Variants in BEND2 observed in about 807,000 individuals in gnomAD.
The protein encoded by BEND2 is BEN domain containing 2.
In BEND2, 19 loss-of-function variants were observed where a neutral mutation model predicts 43.8. The observed-to-expected ratio is 0.43, with a 90% CI of 0.30 to 0.64. The LOEUF (loss-of-function observed/expected upper bound fraction) is 0.64. BEND2 is among the 30% of genes least tolerant of loss of function. BEND2 has a pLI of 0.11. For missense variants in BEND2, 544 were observed against 574.0 expected (o/e 0.95, Z 0.53); for synonymous variants, 226 against 210.1 (o/e 1.08, Z -0.66).
rs753617962 is a variant in BEND2, at chrX:18,214,630, C to A, written c.239-719G>T. Among the ~76,000 whole-genome samples, 51 of 108,219 alleles carry A rather than the reference C, an allele frequency of 4.7e-4. No individual in the cohort carries two copies. In the East Asian group the frequency reaches 9.6e-3, roughly 20 times the overall value. The allele number at this position is 108,219 out of a possible 115,157, so 94.0% of individuals were successfully genotyped here. ...CTTGAGGCCAGGAGTTCAAGACCAG[C>A]CTGGCCAACAATGTGAACTCCTCTC... is the stretch of plus-strand genomic sequence containing the variant. On this transcript the variant is annotated intron_variant, in intron 2 of 13. Coordinates refer to ENST00000380033, the MANE Select transcript of BEND2 (RefSeq NM_153346.5).
At chrX:18,185,345 G>A (rs978805778) in intron 8 of BEND2, among the ~76,000 whole-genome samples, 2 of 107,922 alleles carry the variant, frequency 1.9e-5, no homozygotes, top group African/African-American at 6.7e-5. Flanking sequence ...CCTGAGCAAC[G>A]TGACGAACCC....
At chrX:18,168,447 G>A (rs762904897) in intron 13 of BEND2, among the ~76,000 whole-genome samples, 7 of 112,027 alleles carry the variant, frequency 6.2e-5, no homozygotes, top group African/African-American at 1.9e-4. Flanking sequence ...CTGAGACAGC[G>A]GGTGCCTCAT....
intron 6 of BEND2, among the ~76,000 whole-genome samples, chrX:18,201,150 TTG>T (rs1925130978): frequency 9.0e-6 from 1 of 110,679 alleles, no homozygotes; most frequent in African/African-American, 3.3e-5. Context: ...TCCCAGCACT[TTG>T]GGAGGCAGAG....
chrX:18,208,919 C>A (rs1925423870), intron 4 of BEND2, among the ~76,000 whole-genome samples: 1 of 110,075 alleles, frequency 9.1e-6, no homozygotes, highest in African/African-American at 3.3e-5. Context: ...ATACCAGTCT[C>A]CAACTAAAGG....
intron 1 of BEND2, among the ~76,000 whole-genome samples, chrX:18,220,436 G>T (rs940634179): frequency 1.7e-4 from 19 of 111,670 alleles, no homozygotes; most frequent in African/African-American, 1.3e-4. Flanking sequence ...GCCACCAAGA[G>T]CCACGGAGAC....
intron 4 of BEND2, among the ~76,000 whole-genome samples, chrX:18,212,169 A>ACTGCAACCTCCGCCTCC (rs1925528100): frequency 1.0e-5 from 1 of 98,236 alleles, no homozygotes; most frequent in Non-Finnish European, 2.0e-5. Context: ...ATCTCGGCTC[A>ACTGCAACCTCCGCCTCC]CTGCAACCTC....
intron 6 of BEND2, among the ~76,000 whole-genome samples, chrX:18,196,916 C>T (rs908669124): frequency 1.8e-5 from 2 of 110,801 alleles, no homozygotes; most frequent in African/African-American, 3.3e-5. Flanking sequence ...CAAACCTATT[C>T]GTGGAAGAAA....
At chrX:18,186,731 T>C (rs1455558939) in intron 8 of BEND2, among the ~76,000 whole-genome samples, 3 of 107,994 alleles carry the variant, frequency 2.8e-5, no homozygotes, top group African/African-American at 1.0e-4. Flanking sequence ...GAGGCCGAGG[T>C]GGGAGGATCA....
rs948814750 is a variant in BEND2, at chrX:18,163,676, G to T, written c.*1333C>A. The stretch of plus-strand genomic sequence containing the variant: ...TGCTTCTAGTCCAGGGAATATTTCA[G>T]ATACCACAAAATATAAACCAAATTC... On this transcript the variant is annotated 3_prime_UTR_variant, in exon 14 of 14. Coordinates refer to ENST00000380033, the MANE Select transcript of BEND2 (RefSeq NM_153346.5). 1.4e-4 allele frequency: 16 copies of T among 111,975 alleles called. No individual in the cohort carries two copies. The highest frequency in any genetic ancestry group is 5.2e-4 in the African/African-American group (16 of 30,839). 9.2% of individuals were successfully genotyped at this position (111,975 alleles called of 1,213,427 possible). A position where few individuals can be genotyped will look rare whatever the true frequency, so the allele number is the denominator to read the frequency against.
At chrX:18,199,991 A>C (rs993605104) in intron 6 of BEND2, among the ~76,000 whole-genome samples, 2 of 112,023 alleles carry the variant, frequency 1.8e-5, no homozygotes, top group African/African-American at 6.5e-5. Context: ...TATAAAACTA[A>C]ACATGCTAGT....
intron 6 of BEND2, among the ~76,000 whole-genome samples, chrX:18,199,762 A>G (rs1925079830): frequency 9.0e-6 from 1 of 111,603 alleles, no homozygotes; most frequent in African/African-American, 3.3e-5. Flanking sequence ...GAAAATAAAG[A>G]CATTTTCACA....
rs1458831522 is a variant in BEND2 at position 18,203,590 on chromosome X, G to A, written c.818C>T (p.Pro273Leu). Reference sequence around the variant, plus strand: ...TAGAGCAGAGTAATTCACCACACCAGGGTTATTTGCCAGACTGGATTCTCT... The same window carrying A: ...TAGAGCAGAGTAATTCACCACACCAAGGTTATTTGCCAGACTGGATTCTCT... Reference protein sequence around the residue: ...SRRESSLANNPGVVNYSALPE... With the variant: ...SRRESSLANNLGVVNYSALPE... Residue 273 changes from proline to leucine, a missense_variant, in exon 5 of 14, where the codon CCT becomes CTT. Coordinates refer to ENST00000380033, the MANE Select transcript of BEND2 (RefSeq NM_153346.5). 1 of 1,210,679 alleles carries A rather than the reference G, an allele frequency of 8.3e-7. No homozygotes were observed. The highest frequency in any genetic ancestry group is 1.7e-5 in the African/African-American group (1 of 57,753).
At chrX:18,167,855 T>C (rs1923863009) in intron 13 of BEND2, among the ~76,000 whole-genome samples, 1 of 112,594 alleles carries the variant, frequency 8.9e-6, no homozygotes. Context: ...CATGAGCCAC[T>C]GTGCCCGACC....
At chrX:18,190,512 A>T (rs772499597) in intron 8 of BEND2, among the ~76,000 whole-genome samples, 1 of 111,894 alleles carries the variant, frequency 8.9e-6, no homozygotes, top group Non-Finnish European at 1.9e-5. Flanking sequence ...CCAATGGTAT[A>T]TCAGTCCATT....
At chrX:18,189,002 C>T (rs931663921) in intron 8 of BEND2, among the ~76,000 whole-genome samples, 1 of 109,379 alleles carries the variant, frequency 9.1e-6, no homozygotes, top group Non-Finnish European at 1.9e-5. Context: ...AGTTCGAGAC[C>T]AGCCTGGCCA....
At chrX:18,198,639 G>T (rs1015932402) in intron 6 of BEND2, among the ~76,000 whole-genome samples, 11 of 111,306 alleles carry the variant, frequency 9.9e-5, no homozygotes, top group African/African-American at 3.3e-4. Context: ...TGGAAGTCAG[G>T]GTGGCGATTC....
chrX:18,206,752 C>T (rs1192810585), intron 4 of BEND2, among the ~76,000 whole-genome samples: 1 of 111,193 alleles, frequency 9.0e-6, no homozygotes, highest in African/African-American at 3.3e-5. Context: ...CTGCCCTAGG[C>T]GCTCCACTGT....
rs186163955 is a variant in BEND2, at chrX:18,165,227, A to G, written c.2186-4T>C. ...GGGTAGTTTTCTTGGAGGAACTCTG[A>G]TGGTAAAGACCCAAGACATAACAGT... On this transcript the variant is annotated splice_polypyrimidine_tract_variant and splice_region_variant and intron_variant, in intron 13 of 13. Transcript: ENST00000380033. 77 of 1,185,978 alleles carry G rather than the reference A, an allele frequency of 6.5e-5. 1 individual carries two copies. In the African/African-American group the frequency reaches 1.0e-3, roughly 15 times the overall value.
intron 12 of BEND2, 86 bp from the exon 13 acceptor site, chrX:18,171,290 T>G: frequency 3.0e-6 from 3 of 1,000,610 alleles, no homozygotes; most frequent in Non-Finnish European, 4.1e-6. Flanking sequence ...AACGTTGATT[T>G]TTCTCAATTG....
Sources: gnomAD v4.1 joint callset for allele counts (sites outside exome capture counted in the v4.1 genomes callset) on GRCh38, gnomAD v4.1.1 for gene constraint, MANE v1.5 for transcripts, NCBI Gene and HGNC (gene_info 2026-07-23, HGNC 2026-07-21) for gene names.